Variants in RP1 observed in about 807,000 individuals in gnomAD.
RP1 encodes RP1 axonemal microtubule associated, also known as oxygen-regulated protein 1.
A neutral mutation model predicts 14.8 loss-of-function variants in RP1; 16 were observed. The observed-to-expected ratio is 1.08, with a 90% confidence interval of 0.73 to 1.65. The LOEUF (loss-of-function observed/expected upper bound fraction) is 1.65. Among genes scored for constraint, RP1 ranks in the 40% most tolerant of loss-of-function variants. The probability of loss-of-function intolerance (pLI) is 0.00; values close to 1 mark genes in which losing one functional copy is unlikely to be tolerated. For missense variants in RP1, 2,631 were observed against 2,535.0 expected (o/e 1.04, Z -0.81); for synonymous variants, 876 against 883.6 (o/e 0.99, Z 0.15).
chr8:54,859,968 A>G lies in RP1; in HGVS notation c.4069+2862A>G, dbSNP rs138920928. Among the ~76,000 whole-genome samples, 32 of 152,306 alleles carry G rather than the reference A, an allele frequency of 2.1e-4. No individual in the cohort carries two copies. The East Asian group carries it at 6.0e-3, about 28-fold the overall frequency. Reference sequence around the variant, plus strand: ...TGACATGGGATGGAAACAATGTTAGAACATCCAACCCACATCCTAAAAAGC... The same window carrying G: ...TGACATGGGATGGAAACAATGTTAGGACATCCAACCCACATCCTAAAAAGC... On this transcript the variant is annotated intron_variant, in intron 27 of 28. Coordinates refer to the RP1 transcript ENST00000637698.
chr8:54,742,979 G>C (rs908263095), intron 19 of RP1, among the ~76,000 whole-genome samples: 3 of 152,206 alleles, frequency 2.0e-5, no homozygotes, highest in Non-Finnish European at 2.9e-5. Flanking sequence ...CCTCTGGTCA[G>C]TGGTAAAGGC....
chr8:54,826,028 C>G (rs1484482804), intron 24 of RP1, among the ~76,000 whole-genome samples: 6 of 152,088 alleles, frequency 3.9e-5, no homozygotes, highest in Non-Finnish European at 8.8e-5. Flanking sequence ...GGATTGTAAC[C>G]ACTGCACTCC....
At chr8:54,673,235 T>G (rs1807217213) in intron 7 of RP1, among the ~76,000 whole-genome samples, 1 of 152,218 alleles carries the variant, frequency 6.6e-6, no homozygotes, top group African/African-American at 2.4e-5. Flanking sequence ...GAAAATATTT[T>G]GAAACATAAT....
intron 17 of RP1, among the ~76,000 whole-genome samples, chr8:54,733,987 G>T (rs912167065): frequency 6.6e-6 from 1 of 152,122 alleles, no homozygotes; most frequent in African/African-American, 2.4e-5. Flanking sequence ...CAACTGCTCT[G>T]AGCACCTCAG....
At chr8:54,693,035 T>G (rs1324738619) in intron 12 of RP1, among the ~76,000 whole-genome samples, 1 of 151,922 alleles carries the variant, frequency 6.6e-6, no homozygotes, top group African/African-American at 2.4e-5. Flanking sequence ...TTTCTACATA[T>G]GGCCAGCCAG....
At chr8:54,634,210 A>G (rs1430250015), downstream of RP1, among the ~76,000 whole-genome samples, 1 of 152,224 alleles carries the variant, frequency 6.6e-6, no homozygotes, top group Non-Finnish European at 1.5e-5. Context: ...AAAATCATGA[A>G]TTCCATATAG....
At chr8:54,827,126 GTGAGTGAA>G (rs1020526179) in intron 24 of RP1, among the ~76,000 whole-genome samples, 2 of 152,140 alleles carry the variant, frequency 1.3e-5, no homozygotes, top group Admixed American at 1.3e-4. Context: ...TGAGTGAGTG[GTGAGTGAA>G]TGTGAAGGCC....
intron 16 of RP1, among the ~76,000 whole-genome samples, chr8:54,722,981 G>T (rs1189540637): frequency 6.6e-6 from 1 of 152,140 alleles, no homozygotes; most frequent in African/African-American, 2.4e-5. Context: ...CCACCAAACA[G>T]CAAGAGGCTC....
chr8:54,865,976 T>C lies in RP1; in HGVS notation c.4151+60T>C, dbSNP rs181287292. 2.6e-4 allele frequency: 193 copies of C among 729,870 alleles called. No homozygotes were observed. In the East Asian group the frequency reaches 5.4e-3, roughly 20 times the overall value. 45.2% of individuals were successfully genotyped at this position (729,870 alleles called of 1,614,324 possible). ...CTCTCTTTGTCCAATTTATTCCACCTGTGTCCTCCAGCATGCCTCATCCCA... is the reference window on the plus strand; with the variant it reads ...CTCTCTTTGTCCAATTTATTCCACCCGTGTCCTCCAGCATGCCTCATCCCA... On this transcript the variant is annotated intron_variant, in intron 28 of 28. Transcript: ENST00000637698.
Position 54,824,960 on chromosome 8 carries a change from C to CT in RP1, c.3616-12478dup, listed in dbSNP as rs1175603183. On this transcript the variant is annotated intron_variant, in intron 24 of 28. Coordinates refer to the RP1 transcript ENST00000637698. ...AGAGCTAACACTATTCTTTTTCTTT[C>CT]TTTTTTTTTTTTAATTTATTTATGA... Among the ~76,000 whole-genome samples, 692 of 147,910 alleles carry CT rather than the reference C, an allele frequency of 4.7e-3. 7 individuals carry two copies. The highest frequency in any genetic ancestry group is 0.014 in the African/African-American group (565 of 40,314).
chr8:54,737,840 C>T (rs1319825041), intron 18 of RP1, among the ~76,000 whole-genome samples: 1 of 152,118 alleles, frequency 6.6e-6, no homozygotes, highest in Non-Finnish European at 1.5e-5. Flanking sequence ...GGGTCTAGTC[C>T]ATAGGTAGGC....
intron 12 of RP1, among the ~76,000 whole-genome samples, chr8:54,691,857 G>A (rs545783488): frequency 6.6e-6 from 1 of 151,782 alleles, no homozygotes; most frequent in African/African-American, 2.4e-5. Context: ...GGGTACATGT[G>A]CACAATGTGC....
chr8:54,830,150 G>A (rs13277367), intron 24 of RP1, among the ~76,000 whole-genome samples: 46,515 of 151,904 alleles, frequency 0.31, 7,326 homozygotes, highest in South Asian at 0.37. Flanking sequence ...ATATGATTGC[G>A]TATTAGTCTA....
chr8:54,654,939 G>A (rs564803781), intron 5 of RP1, among the ~76,000 whole-genome samples: 1 of 152,294 alleles, frequency 6.6e-6, no homozygotes, highest in South Asian at 2.1e-4. Flanking sequence ...GAGCCACTGT[G>A]CCTGGGTGAA....
At chr8:54,565,491 G>A (rs1586386162) in intron 1 of RP1, among the ~76,000 whole-genome samples, 1 of 152,186 alleles carries the variant, frequency 6.6e-6, no homozygotes, top group Admixed American at 6.5e-5. Flanking sequence ...CTTGAACCCA[G>A]GAGGTGGAGG....
intron 1 of RP1, among the ~76,000 whole-genome samples, chr8:54,603,357 G>A (rs1006890775): frequency 4.6e-5 from 7 of 152,040 alleles, no homozygotes; most frequent in Middle Eastern, 3.2e-3. Context: ...TAGATATGCG[G>A]CATTATTTCT....
chr8:54,793,356 G>A (rs368721592), intron 24 of RP1, among the ~76,000 whole-genome samples: 9 of 151,904 alleles, frequency 5.9e-5, no homozygotes, highest in African/African-American at 1.9e-4. Context: ...AGATACCAAA[G>A]CCAGACAGGA....
At chr8:54,658,601 A>G (rs1023412708) in intron 6 of RP1, among the ~76,000 whole-genome samples, 2 of 151,662 alleles carry the variant, frequency 1.3e-5, no homozygotes, top group African/African-American at 4.8e-5. Context: ...ATATGTATAT[A>G]CCACAATTTA....
Position 54,627,458 on chromosome 8 carries a change from C to G in RP1, c.3576C>G (p.Ser1192Arg). ...AVANLVESTTSHFGLSEKEQD... is the reference protein window; with the variant it reads ...AVANLVESTTRHFGLSEKEQD... ...CCAATTTAGTGGAGTCAACTACAAG[C>G]CACTTTGGACTCAGTGAGAAAGAAC... The change falls in exon 4 of 4, where the codon AGC becomes AGG. Residue 1192 changes from serine (S) to arginine (R), a missense_variant. Coordinates refer to ENST00000220676, the MANE Select transcript of RP1 (RefSeq NM_006269.2). The G allele has an allele frequency of 1.2e-6, 2 of 1,614,136 alleles. No individual in the cohort carries two copies. The highest frequency in any genetic ancestry group is 1.7e-6 in the Non-Finnish European group (2 of 1,179,968).
Sources: allele counts gnomAD v4.1 joint callset (sites outside exome capture counted in the v4.1 genomes callset), GRCh38; gene constraint gnomAD v4.1.1; transcripts MANE v1.5; gene names NCBI Gene and HGNC (gene_info 2026-07-23, HGNC 2026-07-21).